Variants in ZC3H15 observed in about 807,000 individuals in gnomAD.
ZC3H15 encodes zinc finger CCCH domain-containing protein 15.
Under a neutral mutation model 51.2 loss-of-function variants are expected in ZC3H15, and 15 were observed. The observed-to-expected ratio is 0.29, with a 90% CI of 0.20 to 0.45. The LOEUF is 0.45. ZC3H15 is among the 20% of genes least tolerant of loss of function. The pLI, the probability that ZC3H15 is intolerant of heterozygous loss-of-function variation, is 1.00. For synonymous variants in ZC3H15, 144 were observed against 162.8 expected (o/e 0.88, Z 0.88); for missense variants, 381 against 494.7 (o/e 0.77, Z 2.18).
At chr2:186,503,141 A>G (rs1400768504) in intron 5 of ZC3H15, among the ~76,000 whole-genome samples, 1 of 152,170 alleles carries the variant, frequency 6.6e-6, no homozygotes, top group East Asian at 1.9e-4. Flanking sequence ...GCTGTGCTAG[A>G]ATAATTCTAA....
intron 8 of ZC3H15, 164 bp downstream of exon 8, chr2:186,506,005 T>C (rs1232978504): frequency 1.4e-6 from 1 of 725,604 alleles, no homozygotes; most frequent in Admixed American, 2.0e-5. Context: ...TCATCTAATA[T>C]GGACATAATG....
At chr2:186,495,379 A>G in intron 2 of ZC3H15, 45 bp downstream of exon 2, 1 of 1,069,352 alleles carries the variant, frequency 9.4e-7, no homozygotes, top group Middle Eastern at 2.5e-4. Flanking sequence ...TGTAATATTA[A>G]TATAGCCTCT....
At chr2:186,502,473 T>A (rs1213315958) in intron 4 of ZC3H15, 23 bp from the exon 5 acceptor site, 1 of 1,560,208 alleles carries the variant, frequency 6.4e-7, no homozygotes, top group East Asian at 2.3e-5. Context: ...ATTACAGTAT[T>A]TAATCTTCAT....
intron 2 of ZC3H15, among the ~76,000 whole-genome samples, chr2:186,497,589 C>T (rs1020270990): frequency 2.0e-5 from 3 of 152,086 alleles, no homozygotes; most frequent in African/African-American, 7.2e-5. Context: ...TTGTTGGATT[C>T]TTCTGGTGGT....
At chr2:186,488,370 G>T (rs552315222) in intron 1 of ZC3H15, among the ~76,000 whole-genome samples, 1 of 152,184 alleles carries the variant, frequency 6.6e-6, no homozygotes, top group Non-Finnish European at 1.5e-5. Context: ...TAATTTTTTT[G>T]ACAGGATAGA....
At chr2:186,507,546 G>T (rs942512934) in intron 9 of ZC3H15, 1 of 451,144 alleles carries the variant, frequency 2.2e-6, no homozygotes, top group African/African-American at 2.0e-5. Flanking sequence ...AATGAGTTAG[G>T]TATGAGAATG....
intron 4 of ZC3H15, 141 bp downstream of exon 4, chr2:186,501,566 T>C (rs1044134794): frequency 1.3e-6 from 1 of 743,392 alleles, no homozygotes. Context: ...TTATTTTTTA[T>C]AAAATCTGAA....
In ZC3H15 at chr2:186,502,603, G is replaced by C. The variant is rs750472976; in HGVS notation, c.534+16G>C. ...AACTCAAATAGTATGTCCTTTTCTT[G>C]AATTGAGTTGCTGTGATATTTATCA... On this transcript the variant is annotated intron_variant, in intron 5 of 9. Transcript: ENST00000337859. 1.3e-6 allele frequency: 2 copies of C among 1,586,476 alleles called. No homozygotes were observed. Among genetic ancestry groups the C allele is most frequent in the Non-Finnish European group, 1.7e-6 (2 of 1,160,136 alleles).
chr2:186,504,777 T>C (rs2105593589), intron 6 of ZC3H15, among the ~76,000 whole-genome samples: 1 of 152,344 alleles, frequency 6.6e-6, no homozygotes, highest in South Asian at 2.1e-4. Flanking sequence ...TAGGGTTGCA[T>C]ATTAAAAACT....
intron 2 of ZC3H15, among the ~76,000 whole-genome samples, chr2:186,496,654 A>T (rs1052197762): frequency 6.6e-6 from 1 of 152,222 alleles, no homozygotes; most frequent in African/African-American, 2.4e-5. Context: ...GTCATTGTGC[A>T]AATATCATAG....
At chr2:186,500,154 T>A in intron 2 of ZC3H15, 28 bp from the exon 3 acceptor site, 1 of 1,572,538 alleles carries the variant, frequency 6.4e-7, no homozygotes. Context: ...ACAATCAAAT[T>A]TACATTTTAA....
At chr2:186,497,943 A>G (rs1221668058) in intron 2 of ZC3H15, among the ~76,000 whole-genome samples, 2 of 152,176 alleles carry the variant, frequency 1.3e-5, no homozygotes, top group African/African-American at 4.8e-5. Flanking sequence ...ATCCTGGTCT[A>G]GGCCCTGCGA....
At chr2:186,503,957 T>C in intron 5 of ZC3H15, 75 bp from the exon 6 acceptor site, 1 of 1,232,228 alleles carries the variant, frequency 8.1e-7, no homozygotes. Flanking sequence ...TGTATACTTG[T>C]TCCATATACT....
chr2:186,503,623 C>T (rs539533826), intron 5 of ZC3H15, among the ~76,000 whole-genome samples: 37 of 152,232 alleles, frequency 2.4e-4, no homozygotes, highest in Middle Eastern at 3.4e-3. Context: ...GCAGGTGATC[C>T]GCCCGCCTCG....
intron 1 of ZC3H15, among the ~76,000 whole-genome samples, chr2:186,493,486 A>G (rs1178630603): frequency 6.6e-6 from 1 of 152,140 alleles, no homozygotes; most frequent in Non-Finnish European, 1.5e-5. Context: ...CCCAGAAAAA[A>G]TATTTCAGAT....
Position 186,501,509 on chromosome 2 carries a change from A to G in ZC3H15, c.442+84A>G, listed in dbSNP as rs747016566. ...TAAGATATTTATTAAATTGAAGAAC[A>G]TTTCAATCTTAATAGACTGTTTATA... On this transcript the variant is annotated intron_variant, in intron 4 of 9. Coordinates refer to ENST00000337859, the MANE Select transcript of ZC3H15 (RefSeq NM_018471.3). 180 of 1,178,200 alleles carry G rather than the reference A, an allele frequency of 1.5e-4. 2 individuals are homozygous for G. The highest frequency in any genetic ancestry group is 2.2e-5 in the Non-Finnish European group (19 of 847,064). The allele number at this position is 1,178,200 out of a possible 1,614,324, so 73.0% of individuals were successfully genotyped here.
intron 1 of ZC3H15, among the ~76,000 whole-genome samples, chr2:186,493,405 T>G (rs1201714723): frequency 6.6e-6 from 1 of 152,128 alleles, no homozygotes; most frequent in Non-Finnish European, 1.5e-5. Flanking sequence ...CTACCTGCTC[T>G]TTTCTCTTGT....
intron 2 of ZC3H15, 111 bp from the exon 3 acceptor site, chr2:186,500,071 A>C: frequency 1.2e-6 from 1 of 856,464 alleles, no homozygotes; most frequent in Non-Finnish European, 1.8e-6. Context: ...ACTGATGTTA[A>C]AAGGTAAGGA....
At chr2:186,493,862 G>T (rs1685237363) in intron 1 of ZC3H15, among the ~76,000 whole-genome samples, 1 of 147,302 alleles carries the variant, frequency 6.8e-6, no homozygotes, top group East Asian at 2.0e-4. Context: ...TTGGATCTAG[G>T]GCCTACCTTA....
Sources: allele counts gnomAD v4.1 joint callset (sites outside exome capture counted in the v4.1 genomes callset), GRCh38; gene constraint gnomAD v4.1.1; transcripts MANE v1.5; gene names NCBI Gene and HGNC (gene_info 2026-07-23, HGNC 2026-07-21).